ADGRB3: variants seen among roughly 807,000 people sequenced by gnomAD.
ADGRB3 encodes the protein adhesion G protein-coupled receptor B3, also known as brain-specific angiogenesis inhibitor 3.
A neutral mutation model predicts 193.4 loss-of-function variants in ADGRB3; 37 were observed. The ratio of observed to expected loss-of-function variants is 0.19; its 90% CI spans 0.15 to 0.25. ADGRB3 has a LOEUF of 0.25. Ranked by LOEUF, ADGRB3 falls within the 10% of genes least tolerant of loss-of-function variation. The pLI, the probability that ADGRB3 is intolerant of heterozygous loss-of-function variation, is 1.00. For missense variants in ADGRB3, 1,637 were observed against 1,852.9 expected, an observed-to-expected ratio of 0.88 and a Z score of 2.14; for synonymous variants, 690 against 644.2, an observed-to-expected ratio of 1.07 and a Z score of -1.08.
At chr6:69,071,860 C>T (rs1291598187) in intron 16 of ADGRB3, among the ~76,000 whole-genome samples, 3 of 152,016 alleles carry the variant, frequency 2.0e-5, no homozygotes, top group Non-Finnish European at 2.9e-5. Flanking sequence ...TTCCTCTCAC[C>T]GTGTCATTAC....
chr6:69,238,753 T>C (rs1178979027), intron 19 of ADGRB3, among the ~76,000 whole-genome samples: 1 of 151,646 alleles, frequency 6.6e-6, no homozygotes, highest in African/African-American at 2.4e-5. Flanking sequence ...CATACACACA[T>C]ACACACACAC....
At chr6:69,004,981 G>T (rs907607668) in intron 11 of ADGRB3, among the ~76,000 whole-genome samples, 1 of 151,984 alleles carries the variant, frequency 6.6e-6, no homozygotes, top group African/African-American at 2.4e-5. Context: ...TCTCTCACAT[G>T]GTGGCCCTTA....
chr6:69,063,642 C>T (rs1405603814), intron 16 of ADGRB3, among the ~76,000 whole-genome samples: 2 of 151,846 alleles, frequency 1.3e-5, no homozygotes, highest in Non-Finnish European at 2.9e-5. Context: ...AGTCAAGGAT[C>T]AGGGAAGGCT....
chr6:68,702,014 G>A lies in ADGRB3; in HGVS notation c.757+62582G>A, dbSNP rs375834708. The stretch of plus-strand genomic sequence containing the variant: ...TCTGGTTTGGCAGGTGTATTAGGCT[G>A]TTCTTGCTCTGCTATAAAGAAATAC... On this transcript the variant is annotated intron_variant, in intron 3 of 31. Transcript: ENST00000370598. Among the ~76,000 whole-genome samples, 41 of 152,270 alleles carry A rather than the reference G, an allele frequency of 2.7e-4. 1 individual carries two copies. In the East Asian group the frequency reaches 6.8e-3, roughly 25 times the overall value.
chr6:69,111,264 G>A (rs754305066), intron 17 of ADGRB3, among the ~76,000 whole-genome samples: 21 of 152,176 alleles, frequency 1.4e-4, no homozygotes, highest in Admixed American at 2.6e-4. Flanking sequence ...TGTTTGTTTT[G>A]TGTGGGTATG....
In ADGRB3 at chr6:69,029,145, G is replaced by A. The variant is rs1770534110; in HGVS notation, c.2107+10646G>A. On this transcript the variant is annotated intron_variant, in intron 13 of 31. Coordinates refer to ENST00000370598, the MANE Select transcript of ADGRB3 (RefSeq NM_001704.3). The stretch of plus-strand genomic sequence containing the variant: ...TACTTCTGTTATATAATGAACTTCA[G>A]TGTAATTTTTTTATTATGTGACTCT... Among the ~76,000 whole-genome samples the A allele has an allele frequency of 2.6e-5, 4 of 152,202 alleles. No homozygotes were observed. In the South Asian group the frequency reaches 8.3e-4, roughly 32 times the overall value.
chr6:69,001,739 A>G (rs1769584006), intron 11 of ADGRB3, among the ~76,000 whole-genome samples: 1 of 152,116 alleles, frequency 6.6e-6, no homozygotes, highest in South Asian at 2.1e-4. Flanking sequence ...TGTTCCTGAA[A>G]CTCATCTGAA....
chr6:68,789,605 A>G (rs563706385), intron 3 of ADGRB3, among the ~76,000 whole-genome samples: 1 of 151,896 alleles, frequency 6.6e-6, no homozygotes, highest in African/African-American at 2.4e-5. Flanking sequence ...CTTCATTTCA[A>G]CTGGTGAATC....
At chr6:69,000,621 G>A (rs1440421736) in intron 11 of ADGRB3, among the ~76,000 whole-genome samples, 3 of 152,250 alleles carry the variant, frequency 2.0e-5, no homozygotes, top group East Asian at 1.9e-4. Context: ...GAAACATGTG[G>A]CAATAAAAAG....
At chr6:69,206,011 T>A (rs1382208505) in intron 17 of ADGRB3, among the ~76,000 whole-genome samples, 2 of 141,198 alleles carry the variant, frequency 1.4e-5, no homozygotes, top group Non-Finnish European at 3.0e-5. Flanking sequence ...CTAATTAAAA[T>A]ATATATAGAG....
chr6:68,656,905 G>A (rs1768502874), intron 3 of ADGRB3, among the ~76,000 whole-genome samples: 1 of 151,422 alleles, frequency 6.6e-6, no homozygotes, highest in Non-Finnish European at 1.5e-5. Context: ...AATATAGTCT[G>A]TACCAAAAGC....
intron 8 of ADGRB3, among the ~76,000 whole-genome samples, chr6:68,967,050 A>C (rs1021932896): frequency 6.6e-6 from 1 of 152,204 alleles, no homozygotes; most frequent in Non-Finnish European, 1.5e-5. Flanking sequence ...GTACCGTTTG[A>C]CATTACTACT....
chr6:69,333,669 G>A (rs762804633), intron 24 of ADGRB3, among the ~76,000 whole-genome samples: 2 of 150,516 alleles, frequency 1.3e-5, no homozygotes, highest in African/African-American at 2.4e-5. Flanking sequence ...TATATATCTG[G>A]CCGGGCACGG....
At chr6:68,990,163 A>C (rs1769193342) in intron 10 of ADGRB3, among the ~76,000 whole-genome samples, 1 of 152,114 alleles carries the variant, frequency 6.6e-6, no homozygotes, top group Non-Finnish European at 1.5e-5. Context: ...TAGCAGATAA[A>C]CCTGGACATG....
chr6:68,866,414 A>ATGCAGAAC (rs1424630934), intron 3 of ADGRB3, among the ~76,000 whole-genome samples: 1 of 152,198 alleles, frequency 6.6e-6, no homozygotes, highest in African/African-American at 2.4e-5. Flanking sequence ...CTCTCCAGCC[A>ATGCAGAAC]TGCAGAACTT....
rs75416801 is a variant in ADGRB3, at chr6:68,896,586, G to T, written c.758-33973G>T. On this transcript the variant is annotated intron_variant, in intron 3 of 31. Transcript: ENST00000370598. ...TGTTACATTAAGCATAATTGCAAAG[G>T]TAAAATCTGGTAGATATGTTAGTTT... Among the ~76,000 whole-genome samples, 583 of 152,218 alleles carry T rather than the reference G, an allele frequency of 3.8e-3. 15 individuals carry two copies. The East Asian group carries it at 0.071, about 19-fold the overall frequency.
At chr6:68,693,088 T>C (rs978626966) in intron 3 of ADGRB3, among the ~76,000 whole-genome samples, 2 of 151,872 alleles carry the variant, frequency 1.3e-5, no homozygotes, top group African/African-American at 4.8e-5. Flanking sequence ...GAACTGAATG[T>C]TTTTTATGTG....
intron 20 of ADGRB3, among the ~76,000 whole-genome samples, chr6:69,261,159 A>G (rs1766917694): frequency 1.3e-5 from 2 of 152,320 alleles, no homozygotes; most frequent in Non-Finnish European, 2.9e-5. Flanking sequence ...TGGTAGCAGC[A>G]AGGCTAATCT....
intron 3 of ADGRB3, among the ~76,000 whole-genome samples, chr6:68,768,080 A>G (rs1766545857): frequency 6.6e-6 from 1 of 152,210 alleles, no homozygotes; most frequent in South Asian, 2.1e-4. Context: ...TCTCATGCAT[A>G]GGAAGAATCA....
Sources: gnomAD v4.1 joint callset for allele counts (sites outside exome capture counted in the v4.1 genomes callset) on GRCh38, gnomAD v4.1.1 for gene constraint, MANE v1.5 for transcripts, NCBI Gene and HGNC (gene_info 2026-07-23, HGNC 2026-07-21) for gene names.